IL1RAPL1: variants seen among roughly 807,000 people sequenced by gnomAD.
IL1RAPL1 encodes interleukin-1 receptor accessory protein-like 1.
Under a neutral mutation model 48.4 loss-of-function variants are expected in IL1RAPL1, and 3 were observed. The ratio of observed to expected loss-of-function variants is 0.06; its 90% confidence interval spans 0.03 to 0.16. The LOEUF (loss-of-function observed/expected upper bound fraction) is 0.16. IL1RAPL1 is among the 10% of genes least tolerant of loss of function. The pLI is 1.00. For synonymous variants in IL1RAPL1, 185 were observed against 187.7 expected, an observed-to-expected ratio of 0.99 and a Z score of 0.12; for missense variants, 349 against 530.6, an observed-to-expected ratio of 0.66 and a Z score of 3.36.
intron 2 of IL1RAPL1, among the ~76,000 whole-genome samples, chrX:29,211,900 C>T (rs1378055071): frequency 9.0e-6 from 1 of 111,183 alleles, no homozygotes; most frequent in African/African-American, 3.3e-5. Flanking sequence ...TGGATCTTCC[C>T]TTTCTATACT....
At chrX:29,610,860 C>T (rs979778216) in intron 5 of IL1RAPL1, among the ~76,000 whole-genome samples, 4 of 112,088 alleles carry the variant, frequency 3.6e-5, no homozygotes, top group African/African-American at 6.5e-5. Context: ...TAGCAGTTGC[C>T]ATCTGCACAT....
At chrX:29,639,335 A>G (rs1349927764) in intron 5 of IL1RAPL1, among the ~76,000 whole-genome samples, 1 of 110,781 alleles carries the variant, frequency 9.0e-6, no homozygotes. Flanking sequence ...TTCCTTTGAG[A>G]CAATATTTTG....
intron 2 of IL1RAPL1, among the ~76,000 whole-genome samples, chrX:29,260,369 A>G (rs1931831140): frequency 8.9e-6 from 1 of 112,164 alleles, no homozygotes; most frequent in Non-Finnish European, 1.9e-5. Context: ...GCAGTTCCAC[A>G]TGGCTAGGGA....
intron 2 of IL1RAPL1, among the ~76,000 whole-genome samples, chrX:29,144,725 ATCT>A (rs1381314044): frequency 7.9e-4 from 82 of 103,561 alleles, no homozygotes; most frequent in African/African-American, 2.7e-3. Context: ...AGGCATGTTG[ATCT>A]TCTTTTTTTT....
chrX:29,545,563 G>A (rs907355538), intron 5 of IL1RAPL1, among the ~76,000 whole-genome samples: 5 of 111,358 alleles, frequency 4.5e-5, no homozygotes, highest in Non-Finnish European at 9.4e-5. Context: ...TATATATTTT[G>A]AACTTCATAT....
chrX:28,873,905 A>C (rs1164937867), intron 2 of IL1RAPL1, among the ~76,000 whole-genome samples: 1 of 108,523 alleles, frequency 9.2e-6, no homozygotes, highest in Non-Finnish European at 1.9e-5. Flanking sequence ...TTTTAGGGTA[A>C]TATGGGACTT....
intron 2 of IL1RAPL1, among the ~76,000 whole-genome samples, chrX:29,023,411 G>A (rs910333153): frequency 5.3e-5 from 6 of 112,470 alleles, no homozygotes; most frequent in African/African-American, 1.9e-4. Flanking sequence ...CAATGCAGTA[G>A]TTAAGCTGAG....
chrX:29,396,899 C>CT (rs1300240252), intron 4 of IL1RAPL1, among the ~76,000 whole-genome samples: 1 of 111,780 alleles, frequency 8.9e-6, no homozygotes, highest in Non-Finnish European at 1.9e-5. Context: ...ATATTCTAAT[C>CT]TTTTTCATGT....
chrX:28,835,558 A>G (rs1921183119), intron 2 of IL1RAPL1, among the ~76,000 whole-genome samples: 1 of 111,275 alleles, frequency 9.0e-6, no homozygotes, highest in Non-Finnish European at 1.9e-5. Flanking sequence ...GAAAGCTTTT[A>G]TAGAGGAATG....
intron 5 of IL1RAPL1, among the ~76,000 whole-genome samples, chrX:29,598,096 G>C (rs906404368): frequency 9.0e-6 from 1 of 111,604 alleles, no homozygotes; most frequent in African/African-American, 3.3e-5. Context: ...TGCTTCTCCA[G>C]TTCCTTGAGG....
chrX:29,535,477 TC>T (rs1251270670), intron 5 of IL1RAPL1, among the ~76,000 whole-genome samples: 1 of 111,705 alleles, frequency 9.0e-6, no homozygotes, highest in Non-Finnish European at 1.9e-5. Flanking sequence ...TGGGGTACCA[TC>T]CTAGGGCTAC....
chrX:29,305,266 A>T (rs770864343), intron 3 of IL1RAPL1, among the ~76,000 whole-genome samples: 4 of 112,359 alleles, frequency 3.6e-5, no homozygotes, highest in African/African-American at 1.3e-4. Context: ...TGGTGTGTGG[A>T]GACATAGAAC....
intron 2 of IL1RAPL1, among the ~76,000 whole-genome samples, chrX:29,060,725 G>A (rs189888557): frequency 9.0e-6 from 1 of 111,526 alleles, no homozygotes; most frequent in African/African-American, 3.2e-5. Context: ...ATAGTCATGA[G>A]GAGTAAATAA....
intron 2 of IL1RAPL1, among the ~76,000 whole-genome samples, chrX:28,960,345 G>T (rs1388000524): frequency 9.0e-6 from 1 of 111,549 alleles, no homozygotes; most frequent in Admixed American, 9.5e-5. Flanking sequence ...GTATTTCCCA[G>T]TATGTGTCTT....
At chrX:28,804,698 C>G in intron 2 of IL1RAPL1, among the ~76,000 whole-genome samples, 1 of 111,299 alleles carries the variant, frequency 9.0e-6, no homozygotes, top group Middle Eastern at 4.7e-3. Context: ...TTACATTGGG[C>G]CCACCACTTT....
intron 1 of IL1RAPL1, among the ~76,000 whole-genome samples, chrX:28,653,560 C>T (rs1209671391): frequency 9.0e-6 from 1 of 111,325 alleles, no homozygotes; most frequent in Non-Finnish European, 1.9e-5. Context: ...ATATACTAGG[C>T]TGAGATATAT....
At chrX:29,253,062 G>A (rs1202471021) in intron 2 of IL1RAPL1, among the ~76,000 whole-genome samples, 1 of 110,484 alleles carries the variant, frequency 9.1e-6, no homozygotes, top group Non-Finnish European at 1.9e-5. Context: ...CATTATCTGA[G>A]AGATACCTCT....
intron 2 of IL1RAPL1, among the ~76,000 whole-genome samples, chrX:28,833,914 T>A (rs1921136714): frequency 8.9e-6 from 1 of 112,006 alleles, no homozygotes; most frequent in South Asian, 3.6e-4. Flanking sequence ...TATCATTTTA[T>A]AATTTTAATA....
intron 6 of IL1RAPL1, among the ~76,000 whole-genome samples, chrX:29,750,485 C>A (rs997152835): frequency 1.8e-5 from 2 of 110,985 alleles, no homozygotes; most frequent in South Asian, 7.5e-4. Context: ...CATTTTTAGT[C>A]ATTACAAATA....
Sources: allele counts gnomAD v4.1 joint callset (sites outside exome capture counted in the v4.1 genomes callset), GRCh38; gene constraint gnomAD v4.1.1; transcripts MANE v1.5; gene names NCBI Gene and HGNC (gene_info 2026-07-23, HGNC 2026-07-21).